The following FOXN3 variants were observed in gnomAD, a reference collection of about 807,000 sequenced individuals.
FOXN3 encodes forkhead box protein N3.
Under a neutral mutation model 38.4 loss-of-function variants are expected in FOXN3, and 7 were observed. The observed-to-expected ratio is 0.18, with a 90% CI of 0.10 to 0.34. The LOEUF (loss-of-function observed/expected upper bound fraction) is 0.34, where lower values mean the gene tolerates loss of function less well. Among genes scored for constraint, FOXN3 ranks in the 10% least tolerant of loss-of-function variants. FOXN3 has a pLI of 1.00. For missense variants in FOXN3, 456 were observed against 613.4 expected, an observed-to-expected ratio of 0.74 and a Z score of 2.71; for synonymous variants, 230 against 242.2, an observed-to-expected ratio of 0.95 and a Z score of 0.47.
At chr14:89,350,044 A>G (rs1297361627) in intron 3 of FOXN3, among the ~76,000 whole-genome samples, 2 of 152,308 alleles carry the variant, frequency 1.3e-5, no homozygotes, top group Non-Finnish European at 2.9e-5. Flanking sequence ...TAACATTAAG[A>G]CACTTTTTAA....
intron 3 of FOXN3, among the ~76,000 whole-genome samples, chr14:89,304,742 C>T (rs1382734916): frequency 6.6e-6 from 1 of 151,924 alleles, no homozygotes; most frequent in African/African-American, 2.4e-5. Flanking sequence ...CTCGTCTGGC[C>T]CCCATAAAAC....
chr14:89,276,237 C>T (rs941661424), intron 4 of FOXN3, among the ~76,000 whole-genome samples: 3 of 152,154 alleles, frequency 2.0e-5, no homozygotes, highest in East Asian at 1.9e-4. Flanking sequence ...CAAGATCACA[C>T]CACTTGCACA....
chr14:89,603,960 G>A (rs1289643691), intron 1 of FOXN3, among the ~76,000 whole-genome samples: 2 of 152,140 alleles, frequency 1.3e-5, no homozygotes, highest in Non-Finnish European at 2.9e-5. Flanking sequence ...TAAGTAGAAA[G>A]GGAAAAGTCT....
intron 1 of FOXN3, among the ~76,000 whole-genome samples, chr14:89,588,868 A>G (rs760374489): frequency 2.0e-4 from 30 of 152,208 alleles, no homozygotes; most frequent in Admixed American, 7.2e-4. Flanking sequence ...GGACACTTTA[A>G]TACCCAGACA....
At chr14:89,415,723 A>G (rs183486293) in intron 1 of FOXN3, among the ~76,000 whole-genome samples, 24 of 148,600 alleles carry the variant, frequency 1.6e-4, no homozygotes, top group Admixed American at 1.3e-3. Context: ...TTTCAGAGGG[A>G]AAAAAAAAGA....
intron 4 of FOXN3, among the ~76,000 whole-genome samples, chr14:89,262,554 T>C (rs890049841): frequency 7.5e-4 from 114 of 152,232 alleles, no homozygotes; most frequent in African/African-American, 2.7e-3. Flanking sequence ...CTAGTCAAAA[T>C]CAGGACATGT....
In FOXN3 at chr14:89,156,354, G is replaced by A. The variant is rs920648383; in HGVS notation, c.*6060C>T. The A allele has an allele frequency of 6.6e-6, 1 of 152,604 alleles. No homozygotes were observed. Among genetic ancestry groups the A allele is most frequent in the African/African-American group, 2.4e-5 (1 of 41,438 alleles). The allele number at this position is 152,604 out of a possible 1,614,324, so 9.5% of individuals were successfully genotyped here. A position where few individuals can be genotyped will look rare whatever the true frequency, so the allele number is the denominator to read the frequency against. On this transcript the variant is annotated 3_prime_UTR_variant, in exon 6 of 6. Transcript: ENST00000557258. ...AAATGCAGGTATGGATGCCTTCCAA[G>A]CAACACCAAGTCCCTAGAGTTCGGC...
chr14:89,605,900 A>G (rs1001364918), intron 1 of FOXN3, among the ~76,000 whole-genome samples: 5 of 152,140 alleles, frequency 3.3e-5, no homozygotes, highest in Non-Finnish European at 5.9e-5. Context: ...GGATTCCTTG[A>G]GCCCAGGAGT....
chr14:89,491,722 G>C (rs1216971868), intron 1 of FOXN3, among the ~76,000 whole-genome samples: 1 of 152,148 alleles, frequency 6.6e-6, no homozygotes, highest in Non-Finnish European at 1.5e-5. Flanking sequence ...ATTTATGACT[G>C]GGAATAAGAT....
intron 3 of FOXN3, chr14:89,333,055 C>G (rs1220162978): frequency 6.6e-6 from 1 of 152,164 alleles, no homozygotes; most frequent in African/African-American, 2.4e-5. Context: ...GTAAGAATGG[C>G]TACTATCAGA....
At chr14:89,261,712 G>A (rs1885808294) in intron 4 of FOXN3, among the ~76,000 whole-genome samples, 2 of 151,956 alleles carry the variant, frequency 1.3e-5, no homozygotes, top group Admixed American at 6.6e-5. Context: ...GGCGGATCAC[G>A]AGGTCAGGAG....
intron 5 of FOXN3, among the ~76,000 whole-genome samples, chr14:89,169,121 C>T (rs1887319176): frequency 6.6e-6 from 1 of 152,062 alleles, no homozygotes; most frequent in Non-Finnish European, 1.5e-5. Flanking sequence ...AATGGAAGAT[C>T]TGAGATGTAA....
At chr14:89,171,905 A>G (rs1887398585) in intron 5 of FOXN3, among the ~76,000 whole-genome samples, 1 of 152,178 alleles carries the variant, frequency 6.6e-6, no homozygotes. Flanking sequence ...GAAAAGATAC[A>G]ATAATTAGGG....
At chr14:89,226,678 A>G (rs2139848669) in intron 4 of FOXN3, among the ~76,000 whole-genome samples, 1 of 152,336 alleles carries the variant, frequency 6.6e-6, no homozygotes, top group South Asian at 2.1e-4. Context: ...CCAGTACCCC[A>G]GAACCTGGTC....
intron 4 of FOXN3, among the ~76,000 whole-genome samples, chr14:89,234,151 C>T (rs10140391): frequency 0.023 from 3,462 of 152,290 alleles, 132 homozygotes; most frequent in African/African-American, 0.079. Context: ...GAGAACCCAA[C>T]GAAATTCCTC....
intron 5 of FOXN3, among the ~76,000 whole-genome samples, chr14:89,167,984 A>G (rs1433150954): frequency 6.6e-6 from 1 of 152,320 alleles, no homozygotes; most frequent in African/African-American, 2.4e-5. Context: ...CTGGTCCCCC[A>G]GGCTCCCCAC....
chr14:89,237,807 A>C (rs948832730), intron 4 of FOXN3, among the ~76,000 whole-genome samples: 4 of 152,236 alleles, frequency 2.6e-5, no homozygotes, highest in Non-Finnish European at 5.9e-5. Flanking sequence ...AATTCTTTGT[A>C]GCACTCATAG....
chr14:89,534,241 G>T (rs911340373), intron 1 of FOXN3, among the ~76,000 whole-genome samples: 6 of 151,012 alleles, frequency 4.0e-5, no homozygotes, highest in African/African-American at 1.5e-4. Flanking sequence ...AAGTAACTGA[G>T]ATTACAGGTG....
In FOXN3 at chr14:89,216,701, C is replaced by T. The variant is rs566964495; in HGVS notation, c.746-35895G>A. Among the ~76,000 whole-genome samples the T allele has an allele frequency of 5.9e-5, 9 of 152,324 alleles. No homozygotes were observed. In the South Asian group the frequency reaches 1.9e-3, roughly 32 times the overall value. On this transcript the variant is annotated intron_variant, in intron 4 of 5. Transcript: ENST00000557258. ...CCCCCAGCCAGGTTCTCACTGACCTCAGGCCAGGTTTGGTCTTAGACGGTT... is the reference window on the plus strand; with the variant it reads ...CCCCCAGCCAGGTTCTCACTGACCTTAGGCCAGGTTTGGTCTTAGACGGTT...
Sources: gnomAD v4.1 joint callset for allele counts (sites outside exome capture counted in the v4.1 genomes callset) on GRCh38, gnomAD v4.1.1 for gene constraint, MANE v1.5 for transcripts, NCBI Gene and HGNC (gene_info 2026-07-23, HGNC 2026-07-21) for gene names.